The following IL5 variants were observed in gnomAD, a reference collection of about 807,000 sequenced individuals.
IL5 encodes the protein interleukin-5.
IL5 carries 12 observed loss-of-function variants against 16.3 expected under a neutral mutation model. That is an observed-to-expected ratio of 0.74 (90% CI 0.47 to 1.20). The LOEUF (loss-of-function observed/expected upper bound fraction) is 1.20. Ranked by LOEUF, IL5 falls within the 50% of genes most tolerant of loss-of-function variation. The pLI is 0.00. For missense variants in IL5, 159 were observed against 153.9 expected, an observed-to-expected ratio of 1.03 and a Z score of -0.17; for synonymous variants, 54 against 56.6, an observed-to-expected ratio of 0.95 and a Z score of 0.21.
upstream of IL5, among the ~76,000 whole-genome samples, chr5:132,547,857 G>A (rs527251696): frequency 4.9e-4 from 75 of 152,276 alleles, 1 homozygote; most frequent in South Asian, 0.015. Context: ...ATTGGTTGAA[G>A]TCAGCAGTTC....
chr5:132,543,220 T>C (rs1218967679), intron 1 of IL5, 94 bp from the exon 2 acceptor site: 5 of 1,396,614 alleles, frequency 3.6e-6, no homozygotes, highest in Non-Finnish European at 5.0e-6. Flanking sequence ...ATCACCCATG[T>C]ACTAATGTGC....
At chr5:132,556,670 T>A (rs772742524) in intron 1 of IL5, 2 of 1,253,154 alleles carry the variant, frequency 1.6e-6, no homozygotes, top group African/African-American at 1.6e-5. Context: ...TGACACGAAC[T>A]GACCCCGCTT....
intron 1 of IL5, among the ~76,000 whole-genome samples, chr5:132,553,631 A>C (rs540809794): frequency 1.3e-5 from 2 of 152,164 alleles, no homozygotes; most frequent in African/African-American, 4.8e-5. Context: ...TCTCCACAGT[A>C]TTCATTTAAA....
At chr5:132,548,426 TACA>T (rs1462637241), upstream of IL5, among the ~76,000 whole-genome samples, 2 of 152,222 alleles carry the variant, frequency 1.3e-5, no homozygotes, top group African/African-American at 4.8e-5. Context: ...AGCAGGCACT[TACA>T]ACAACTTTAT....
upstream of IL5, chr5:132,543,634 T>C (rs1453218529): frequency 5.4e-6 from 3 of 552,084 alleles, no homozygotes; most frequent in South Asian, 4.8e-5. Flanking sequence ...ACTAAATGTT[T>C]CCAATGCCTT....
intron 1 of IL5, among the ~76,000 whole-genome samples, chr5:132,553,417 A>G (rs2522406): frequency 0.93 from 141,322 of 152,252 alleles, 66,425 homozygotes; most frequent in Non-Finnish European, 1. Flanking sequence ...GACCAGAGAC[A>G]AGCAATATCT....
At chr5:132,553,906 T>TCCA (rs1749925426) in intron 1 of IL5, among the ~76,000 whole-genome samples, 1 of 119,936 alleles carries the variant, frequency 8.3e-6, no homozygotes, top group African/African-American at 3.3e-5. Flanking sequence ...GCCACTGCAC[T>TCCA]CCAACCTGGG....
Position 132,543,321 on chromosome 5 carries a change from A to G in IL5, c.144+14T>C. The G allele has an allele frequency of 6.2e-7, 1 of 1,611,998 alleles. No individual in the cohort carries two copies. Among genetic ancestry groups the G allele is most frequent in the Non-Finnish European group, 8.5e-7 (1 of 1,178,210 alleles). On this transcript the variant is annotated intron_variant, in intron 1 of 3. Transcript: ENST00000231454. ...ATGCACTTTACAGACTGTAGGAATC[A>G]TAAAGAAAATTACCTCATTGGCTAT...
chr5:132,556,810 C>T (rs539917096), exon 1 of IL5: 1 of 1,204,824 alleles, frequency 8.3e-7, no homozygotes, highest in South Asian at 1.8e-5. Flanking sequence ...GCTGCCCATC[C>T]CCAGCAAAGA....
chr5:132,548,046 GT>G (rs537576819), upstream of IL5, among the ~76,000 whole-genome samples: 4 of 152,246 alleles, frequency 2.6e-5, no homozygotes, highest in South Asian at 8.3e-4. Flanking sequence ...TCTAGCCTGG[GT>G]GACAGAGCGA....
upstream of IL5, among the ~76,000 whole-genome samples, chr5:132,545,250 C>T (rs191542466): frequency 2.1e-4 from 32 of 152,304 alleles, no homozygotes; most frequent in Non-Finnish European, 8.8e-5. Flanking sequence ...CCCCCTGACA[C>T]CTTTATGTTA....
upstream of IL5, among the ~76,000 whole-genome samples, chr5:132,547,141 G>A (rs1044291177): frequency 2.0e-5 from 3 of 152,168 alleles, no homozygotes; most frequent in South Asian, 6.2e-4. Flanking sequence ...CAAGGAGATG[G>A]AACACAACCC....
At chr5:132,550,069 A>G (rs1326439666) in intron 1 of IL5, among the ~76,000 whole-genome samples, 1 of 152,062 alleles carries the variant, frequency 6.6e-6, no homozygotes, top group Non-Finnish European at 1.5e-5. Context: ...ATATCTATAC[A>G]ATTTCCTACT....
intron 1 of IL5, among the ~76,000 whole-genome samples, chr5:132,551,947 A>G (rs937001185): frequency 6.6e-6 from 1 of 152,192 alleles, no homozygotes; most frequent in Non-Finnish European, 1.5e-5. Flanking sequence ...TTAATATCAG[A>G]AAAAAGGGAG....
chr5:132,547,119 C>T (rs1749807372), upstream of IL5, among the ~76,000 whole-genome samples: 1 of 152,160 alleles, frequency 6.6e-6, no homozygotes, highest in African/African-American at 2.4e-5. Context: ...ATGTATGTAG[C>T]TACTACACCC....
chr5:132,548,226 T>C (rs1019452394), upstream of IL5, among the ~76,000 whole-genome samples: 4 of 149,904 alleles, frequency 2.7e-5, no homozygotes, highest in African/African-American at 9.8e-5. Flanking sequence ...TGAGACCCTG[T>C]CTCAAAAAAA....
At chr5:132,556,002 C>T (rs1749977128) in intron 1 of IL5, 1 of 151,860 alleles carries the variant, frequency 6.6e-6, no homozygotes, top group African/African-American at 2.4e-5. Context: ...TAACCTGGTA[C>T]AGCAAGAGAC....
chr5:132,553,807 C>A (rs1465471232), intron 1 of IL5, among the ~76,000 whole-genome samples: 3 of 151,392 alleles, frequency 2.0e-5, no homozygotes, highest in African/African-American at 7.3e-5. Flanking sequence ...CGGTGGCGGG[C>A]GCCTGTAGTC....
chr5:132,543,199 G>C, intron 1 of IL5, 73 bp from the exon 2 acceptor site: 1 of 1,475,990 alleles, frequency 6.8e-7, no homozygotes, highest in Non-Finnish European at 9.4e-7. Flanking sequence ...ATGTTTGCTG[G>C]TGATGTAGTT....
Sources: gnomAD v4.1 joint callset for allele counts (sites outside exome capture counted in the v4.1 genomes callset) on GRCh38, gnomAD v4.1.1 for gene constraint, MANE v1.5 for transcripts, NCBI Gene and HGNC (gene_info 2026-07-23, HGNC 2026-07-21) for gene names.